Variants in TAFA5 observed in about 807,000 individuals in gnomAD.
TAFA5 encodes the protein TAFA chemokine like family member 5, also known as chemokine-like protein TAFA-5.
In TAFA5, 6 loss-of-function variants were observed where a neutral mutation model predicts 15.3. The observed-to-expected ratio is 0.39, with a 90% CI of 0.21 to 0.77. The LOEUF is 0.77. Among genes scored for constraint, TAFA5 ranks in the 30% least tolerant of loss-of-function variants. The pLI is 0.41. For synonymous variants in TAFA5, 103 were observed against 80.7 expected, an observed-to-expected ratio of 1.28 and a Z score of -1.48; for missense variants, 161 against 193.1, an observed-to-expected ratio of 0.83 and a Z score of 0.98.
chr22:48,742,476 G>A lies in TAFA5; in HGVS notation c.391-7363G>A, dbSNP rs1472631866. Among the ~76,000 whole-genome samples, 1 of 152,134 alleles carries A rather than the reference G, an allele frequency of 6.6e-6. No individual in the cohort carries two copies. The highest frequency in any genetic ancestry group is 2.4e-5 in the African/African-American group (1 of 41,424). ...GGTGGTGCTGTGTGGCGGAGCTGGC[G>A]GCGCAGTGGAGCGGGCGTTGTGGTG... On this transcript the variant is annotated intron_variant, in intron 3 of 3. Transcript: ENST00000402357. This position sits in a 1 kb window ranked among gnomAD's most constrained non-coding sequence, Gnocchi z 6.2.
chr22:48,683,249 T>G (rs1928251658), intron 2 of TAFA5, among the ~76,000 whole-genome samples: 1 of 152,150 alleles, frequency 6.6e-6, no homozygotes, highest in Admixed American at 6.5e-5. Context: ...CGGATGTTCC[T>G]CCCACGTAAT....
chr22:48,542,390 GGT>G (rs1278256204), intron 1 of TAFA5, among the ~76,000 whole-genome samples: 17 of 130,920 alleles, frequency 1.3e-4, no homozygotes, highest in South Asian at 2.7e-4. Context: ...GTGTGTGTGT[GGT>G]GTGTGTGTGC....
intron 1 of TAFA5, among the ~76,000 whole-genome samples, chr22:48,633,552 C>CTCTCTCTCTCTCTCCA (rs1569056673): frequency 6.6e-6 from 1 of 150,406 alleles, no homozygotes; most frequent in African/African-American, 2.5e-5. Context: ...CTCTCTCTCT[C>CTCTCTCTCTCTCTCCA]TCTCTCCATC....
At chr22:48,564,892 G>A (rs1005235329) in intron 1 of TAFA5, among the ~76,000 whole-genome samples, 28 of 152,214 alleles carry the variant, frequency 1.8e-4, no homozygotes, top group African/African-American at 5.8e-4. Flanking sequence ...TGAGACACCC[G>A]CCCCCCAGTG....
At chr22:48,630,124 C>G (rs969127139) in intron 1 of TAFA5, among the ~76,000 whole-genome samples, 6 of 152,144 alleles carry the variant, frequency 3.9e-5, no homozygotes, top group African/African-American at 1.4e-4. Context: ...TCTAGATTCT[C>G]TAAATAGGGT....
chr22:48,505,059 G>A (rs547097234), intron 1 of TAFA5, among the ~76,000 whole-genome samples: 36 of 152,290 alleles, frequency 2.4e-4, no homozygotes, highest in African/African-American at 8.7e-4. Context: ...CCAGGCATTC[G>A]GGCACCCATC....
intron 3 of TAFA5, among the ~76,000 whole-genome samples, chr22:48,741,503 G>A (rs1012661990): frequency 1.3e-5 from 2 of 152,178 alleles, no homozygotes; most frequent in South Asian, 2.1e-4. Context: ...TGGACTGAAC[G>A]GCATCCCCCA....
At chr22:48,700,000 G>A (rs751251457) in intron 2 of TAFA5, among the ~76,000 whole-genome samples, 6 of 152,036 alleles carry the variant, frequency 3.9e-5, no homozygotes, top group South Asian at 4.2e-4. Context: ...GCCTTTGCTG[G>A]ATGTGATGTC....
chr22:48,693,309 A>C (rs1601677147), intron 2 of TAFA5: 1 of 1,609,160 alleles, frequency 6.2e-7, no homozygotes, highest in Non-Finnish European at 8.5e-7. Flanking sequence ...GCCCTAAGAG[A>C]GTAATTGAAA....
Position 48,697,123 on chromosome 22 carries a change from C to T in TAFA5, c.263-10594C>T, listed in dbSNP as rs9617500. ...TGGGGAGGATCCAAGAAGAGAGGAACCTGGACTGGAAAGAAGACAGGCCAC... is the reference window on the plus strand; with the variant it reads ...TGGGGAGGATCCAAGAAGAGAGGAATCTGGACTGGAAAGAAGACAGGCCAC... On this transcript the variant is annotated intron_variant, in intron 2 of 3. Coordinates refer to ENST00000402357, the MANE Select transcript of TAFA5 (RefSeq NM_001082967.3). Among the ~76,000 whole-genome samples, 625 of 152,286 alleles carry T rather than the reference C, an allele frequency of 4.1e-3. 5 individuals carry two copies. The highest frequency in any genetic ancestry group is 7.0e-3 in the Non-Finnish European group (476 of 68,018).
chr22:48,653,701 G>T (rs1055042200), intron 2 of TAFA5, among the ~76,000 whole-genome samples: 2 of 152,158 alleles, frequency 1.3e-5, no homozygotes, highest in African/African-American at 2.4e-5. Context: ...GCTCTCTGAC[G>T]CCTCTGTAGA....
intron 2 of TAFA5, among the ~76,000 whole-genome samples, chr22:48,681,582 T>G (rs1318817501): frequency 1.5e-5 from 2 of 134,920 alleles, no homozygotes; most frequent in Non-Finnish European, 3.1e-5. Context: ...ACCTGGGAGG[T>G]GGAGGTTGCA....
chr22:48,714,468 C>A (rs1315231005), intron 3 of TAFA5, among the ~76,000 whole-genome samples: 1 of 152,196 alleles, frequency 6.6e-6, no homozygotes, highest in East Asian at 1.9e-4. Flanking sequence ...GACCCCTGGT[C>A]CTTCCCACCC....
In TAFA5 at chr22:48,560,606, ATTAT is replaced by A. The variant is rs1326649716; in HGVS notation, c.112+70917_112+70920del. Among the ~76,000 whole-genome samples the A allele has an allele frequency of 1.3e-5, 2 of 148,902 alleles. No individual in the cohort carries two copies. The highest frequency in any genetic ancestry group is 2.5e-5 in the African/African-American group (1 of 40,756). The stretch of plus-strand genomic sequence containing the variant: ...TATTATTATTATATTATTATTATTA[ATTAT>A]TTATTTATTTATTTTTGAGATGGAG... On this transcript the variant is annotated intron_variant, in intron 1 of 3. Coordinates refer to ENST00000402357, the MANE Select transcript of TAFA5 (RefSeq NM_001082967.3). The surrounding 1 kb of genome is among the most constrained non-coding windows in gnomAD (Gnocchi z 4.2).
At chr22:48,558,820 C>T (rs1923127614) in intron 1 of TAFA5, among the ~76,000 whole-genome samples, 1 of 152,224 alleles carries the variant, frequency 6.6e-6, no homozygotes, top group Non-Finnish European at 1.5e-5. Context: ...TGGGTGCCCA[C>T]GTGTGCCAGG....
chr22:48,622,086 C>T (rs1925858338), intron 1 of TAFA5, among the ~76,000 whole-genome samples: 1 of 152,166 alleles, frequency 6.6e-6, no homozygotes, highest in Admixed American at 6.5e-5. Context: ...ACACACCTTC[C>T]CTTCTCCTGC....
chr22:48,693,223 G>A, intron 2 of TAFA5: 2 of 1,452,946 alleles, frequency 1.4e-6, no homozygotes, highest in South Asian at 1.3e-5. Flanking sequence ...CGTCCTCAGA[G>A]CAGCCTGGCA....
chr22:48,704,315 C>T lies in TAFA5; in HGVS notation c.263-3402C>T, dbSNP rs531199874. ...TGTGTGTTTCATCCTGTAGCTTCCTCGTGGGTTTAAGGTTCGTGTTTGTGG... is the reference window on the plus strand; with the variant it reads ...TGTGTGTTTCATCCTGTAGCTTCCTTGTGGGTTTAAGGTTCGTGTTTGTGG... On this transcript the variant is annotated intron_variant, in intron 2 of 3. Coordinates refer to ENST00000402357, the MANE Select transcript of TAFA5 (RefSeq NM_001082967.3). Among the ~76,000 whole-genome samples the T allele has an allele frequency of 6.6e-5, 10 of 152,228 alleles. No individual in the cohort carries two copies. The South Asian group carries it at 8.3e-4, about 13-fold the overall frequency.
At chr22:48,518,630 C>G (rs1921498471) in intron 1 of TAFA5, among the ~76,000 whole-genome samples, 1 of 152,210 alleles carries the variant, frequency 6.6e-6, no homozygotes, top group African/African-American at 2.4e-5. Context: ...GGCGGACTCT[C>G]TCAGAGCAGG....
Sources: gnomAD v4.1 joint callset for allele counts (sites outside exome capture counted in the v4.1 genomes callset) on GRCh38, gnomAD v4.1.1 for gene constraint, Gnocchi (gnomAD v3.1) non-coding constraint, MANE v1.5 for transcripts, NCBI Gene and HGNC (gene_info 2026-07-23, HGNC 2026-07-21) for gene names.